Variants in RGS7 observed in about 807,000 individuals in gnomAD.
RGS7 encodes regulator of G-protein signaling 7.
RGS7 carries 27 observed loss-of-function variants against 81.1 expected under a neutral mutation model. That is an observed-to-expected ratio of 0.33 (90% CI 0.25 to 0.46). RGS7 has a LOEUF of 0.46. Ranked by LOEUF, RGS7 falls within the 20% of genes least tolerant of loss-of-function variation. The probability of loss-of-function intolerance (pLI) is 1.00; values close to 1 mark genes in which losing one functional copy is unlikely to be tolerated. For missense variants in RGS7, 396 were observed against 607.4 expected, an observed-to-expected ratio of 0.65 and a Z score of 3.66; for synonymous variants, 208 against 207.7, an observed-to-expected ratio of 1.00 and a Z score of -0.01.
chr1:241,136,171 ATGGTGGAGGAAAGATAAGTTT>A (rs990020723), intron 2 of RGS7, among the ~76,000 whole-genome samples: 1 of 152,136 alleles, frequency 6.6e-6, no homozygotes, highest in African/African-American at 2.4e-5. Flanking sequence ...GTGAGGGTAG[ATGGTGGAGGAAAGATAAGTTT>A]TGTTCAATTA....
intron 2 of RGS7, among the ~76,000 whole-genome samples, chr1:241,278,071 G>C (rs996188739): frequency 1.3e-5 from 2 of 152,186 alleles, no homozygotes; most frequent in Admixed American, 6.5e-5. Context: ...TGCCGTCACA[G>C]CGATGCTTCC....
intron 3 of RGS7, among the ~76,000 whole-genome samples, chr1:240,992,766 C>T (rs1572159088): frequency 1.3e-5 from 2 of 150,424 alleles, no homozygotes; most frequent in Admixed American, 1.3e-4. Context: ...ATTTCAATAC[C>T]ATGAGGTATT....
intron 4 of RGS7, among the ~76,000 whole-genome samples, chr1:240,949,654 C>A (rs1296283180): frequency 6.6e-6 from 1 of 152,020 alleles, no homozygotes; most frequent in Non-Finnish European, 1.5e-5. Flanking sequence ...TTGAGATGAG[C>A]CTGGCCAACA....
intron 3 of RGS7, among the ~76,000 whole-genome samples, chr1:241,068,967 C>G (rs2062262684): frequency 2.0e-5 from 3 of 152,110 alleles, no homozygotes; most frequent in African/African-American, 7.2e-5. Context: ...GCACCTCCCC[C>G]TCCTCTTGCT....
At chr1:241,064,183 CA>C (rs140883852) in intron 3 of RGS7, among the ~76,000 whole-genome samples, 22,865 of 78,418 alleles carry the variant, frequency 0.29, 1,312 homozygotes, top group Non-Finnish European at 0.33. Context: ...AACTCAGTTT[CA>C]AAAAAAAAAA....
At chr1:241,180,132 T>C (rs911708374) in intron 2 of RGS7, among the ~76,000 whole-genome samples, 1 of 152,102 alleles carries the variant, frequency 6.6e-6, no homozygotes, top group Admixed American at 6.6e-5. Context: ...CCCAGCACTT[T>C]GGGAAGCCGA....
At chr1:240,816,289 T>C (rs372344130) in intron 11 of RGS7, 28 bp downstream of exon 11, 41 of 1,426,792 alleles carry the variant, frequency 2.9e-5, no homozygotes, top group Middle Eastern at 3.5e-4. Flanking sequence ...TGTAAACCTT[T>C]AACAGGTCAT....
chr1:241,334,853 C>T (rs1269527376), intron 2 of RGS7, among the ~76,000 whole-genome samples: 1 of 134,794 alleles, frequency 7.4e-6, no homozygotes, highest in African/African-American at 3.7e-5. Context: ...AATTGTGTTA[C>T]ACTACAGAAT....
At chr1:241,004,619 G>A (rs933172335) in intron 3 of RGS7, among the ~76,000 whole-genome samples, 3 of 152,098 alleles carry the variant, frequency 2.0e-5, no homozygotes, top group African/African-American at 4.8e-5. Flanking sequence ...TTTATGCTTC[G>A]AGTCAACAAA....
At chr1:241,078,424 T>C (rs2062947925) in intron 3 of RGS7, among the ~76,000 whole-genome samples, 1 of 147,538 alleles carries the variant, frequency 6.8e-6, no homozygotes, top group Non-Finnish European at 1.5e-5. Flanking sequence ...ATGTATTATA[T>C]AATATGTGGT....
intron 2 of RGS7, among the ~76,000 whole-genome samples, chr1:241,314,435 T>C (rs905145382): frequency 2.6e-5 from 4 of 152,366 alleles, no homozygotes; most frequent in South Asian, 2.1e-4. Flanking sequence ...AGTTAAGGTA[T>C]GTACCTTGTT....
At chr1:240,979,316 T>C (rs1443388536) in intron 4 of RGS7, among the ~76,000 whole-genome samples, 2 of 152,102 alleles carry the variant, frequency 1.3e-5, no homozygotes, top group Non-Finnish European at 2.9e-5. Flanking sequence ...ATAAAAAGTA[T>C]ATATAGGAAG....
intron 4 of RGS7, among the ~76,000 whole-genome samples, chr1:240,969,370 C>T (rs982382931): frequency 6.6e-6 from 1 of 152,190 alleles, no homozygotes; most frequent in African/African-American, 2.4e-5. Flanking sequence ...GACAATTGTG[C>T]ATCGTCCATT....
chr1:240,828,178 T>C (rs1693208425), intron 9 of RGS7, among the ~76,000 whole-genome samples: 1 of 152,172 alleles, frequency 6.6e-6, no homozygotes, highest in Non-Finnish European at 1.5e-5. Flanking sequence ...GTTGATGAAG[T>C]ATAGGCAGCC....
intron 2 of RGS7, among the ~76,000 whole-genome samples, chr1:241,211,066 C>A (rs1372655123): frequency 6.6e-6 from 1 of 152,164 alleles, no homozygotes; most frequent in East Asian, 1.9e-4. Flanking sequence ...GGATGGATCA[C>A]CTGAGGTGGG....
intron 2 of RGS7, among the ~76,000 whole-genome samples, chr1:241,266,827 G>A (rs1558253998): frequency 1.5e-5 from 1 of 66,786 alleles, no homozygotes; most frequent in Non-Finnish European, 3.0e-5. Context: ...TTTTCCTTTT[G>A]GATACAAAAA....
chr1:241,286,007 C>T (rs548805738), intron 2 of RGS7, among the ~76,000 whole-genome samples: 12 of 152,312 alleles, frequency 7.9e-5, no homozygotes, highest in African/African-American at 1.7e-4. Flanking sequence ...ATGTAATCAT[C>T]GTCCCTGTGT....
chr1:241,309,217 T>C (rs2080354923), intron 2 of RGS7, among the ~76,000 whole-genome samples: 1 of 151,652 alleles, frequency 6.6e-6, no homozygotes, highest in Non-Finnish European at 1.5e-5. Flanking sequence ...TGAAACCCTG[T>C]CTCTACTAAA....
chr1:240,976,826 TCTAC>T (rs1558548002), intron 4 of RGS7, among the ~76,000 whole-genome samples: 1 of 149,688 alleles, frequency 6.7e-6, no homozygotes, highest in African/African-American at 2.5e-5. Flanking sequence ...TTTTCTATCA[TCTAC>T]CTATCATTTA....
Sources: gnomAD v4.1 joint callset for allele counts (sites outside exome capture counted in the v4.1 genomes callset) on GRCh38, gnomAD v4.1.1 for gene constraint, MANE v1.5 for transcripts, NCBI Gene and HGNC (gene_info 2026-07-23, HGNC 2026-07-21) for gene names.